Variants in IFNGR2 observed in about 807,000 individuals in gnomAD.
The protein encoded by IFNGR2 is interferon gamma receptor 2.
In IFNGR2, 15 loss-of-function variants were observed where a neutral mutation model predicts 41.1. That is an observed-to-expected ratio of 0.37 (90% CI 0.24 to 0.56). The LOEUF (loss-of-function observed/expected upper bound fraction) is 0.56. IFNGR2 is among the 20% of genes least tolerant of loss of function. The probability of loss-of-function intolerance (pLI) is 0.81; values close to 1 mark genes in which losing one functional copy is unlikely to be tolerated. For missense variants in IFNGR2, 362 were observed against 415.7 expected (o/e 0.87, Z 1.12); for synonymous variants, 161 against 171.6 (o/e 0.94, Z 0.48).
intron 1 of IFNGR2, among the ~76,000 whole-genome samples, chr21:33,406,734 A>G (rs2083680260): frequency 6.6e-6 from 1 of 151,448 alleles, no homozygotes; most frequent in South Asian, 2.1e-4. Context: ...TGCAGTCTCA[A>G]CCTCTTGGGC....
intron 4 of IFNGR2, among the ~76,000 whole-genome samples, chr21:33,427,844 C>CTTTTTTTT (rs71194844): frequency 5.6e-5 from 7 of 125,466 alleles, no homozygotes; most frequent in South Asian, 2.4e-4. Flanking sequence ...CTCATTTCAT[C>CTTTTTTTT]TTTTTTTTTT....
At chr21:33,406,641 T>G (rs2083679540) in intron 1 of IFNGR2, among the ~76,000 whole-genome samples, 1 of 148,332 alleles carries the variant, frequency 6.7e-6, no homozygotes, top group Non-Finnish European at 1.5e-5. Flanking sequence ...AAAAAAAGTG[T>G]TGGAAACTTT....
intron 1 of IFNGR2, among the ~76,000 whole-genome samples, chr21:33,406,985 A>G (rs1202512193): frequency 6.6e-6 from 1 of 152,114 alleles, no homozygotes; most frequent in Non-Finnish European, 1.5e-5. Flanking sequence ...CATAGTATCT[A>G]TCCCTTAGAG....
At chr21:33,422,107 T>C (rs1318594141) in intron 3 of IFNGR2, among the ~76,000 whole-genome samples, 2 of 152,258 alleles carry the variant, frequency 1.3e-5, no homozygotes, top group Non-Finnish European at 2.9e-5. Context: ...CATATCTCTC[T>C]GATCACCCTT....
intron 3 of IFNGR2, among the ~76,000 whole-genome samples, chr21:33,422,011 T>A (rs1385049510): frequency 6.6e-6 from 1 of 152,258 alleles, no homozygotes; most frequent in African/African-American, 2.4e-5. Context: ...GTAGTTGCAA[T>A]AGCAGCTGTT....
intron 2 of IFNGR2, among the ~76,000 whole-genome samples, chr21:33,420,043 C>T (rs1203621636): frequency 1.3e-5 from 2 of 152,186 alleles, no homozygotes; most frequent in Non-Finnish European, 2.9e-5. Flanking sequence ...ATCCCTCTCC[C>T]CATTAGGGTC....
intron 1 of IFNGR2, chr21:33,410,814 A>G (rs1235302569): frequency 4.7e-6 from 7 of 1,492,208 alleles, no homozygotes; most frequent in South Asian, 1.2e-5. Flanking sequence ...TTCATAACTC[A>G]TAATCTAAAA....
intron 1 of IFNGR2, among the ~76,000 whole-genome samples, chr21:33,407,173 A>T (rs1265917069): frequency 6.6e-6 from 1 of 152,126 alleles, no homozygotes; most frequent in Non-Finnish European, 1.5e-5. Flanking sequence ...TTGTAATTGT[A>T]GCAGGTGCTG....
At chr21:33,403,655 C>T in intron 1 of IFNGR2, 39 bp downstream of exon 1, 1 of 1,275,902 alleles carries the variant, frequency 7.8e-7, no homozygotes, top group Non-Finnish European at 9.9e-7. Context: ...GACGCGGGCG[C>T]AGCCGCAGCA....
chr21:33,410,147 C>T (rs1401909151), intron 1 of IFNGR2, among the ~76,000 whole-genome samples: 2 of 150,758 alleles, frequency 1.3e-5, no homozygotes, highest in African/African-American at 4.9e-5. Context: ...TCAGCAAGTT[C>T]ATTGTCTTAA....
rs1348201349 is a variant in IFNGR2 at position 33,427,034 on chromosome 21, C to G, written c.561+2C>G. 6.2e-7 allele frequency: 1 copy of G among 1,609,794 alleles called. No individual in the cohort carries two copies. Among genetic ancestry groups the G allele is most frequent in the Non-Finnish European group, 8.5e-7 (1 of 1,176,978 alleles). ...TGGGAAAAAGGAGGAATCCAACAGG[C>G]AAGAGCATCTTTCTTTTTTGTTTGG... is the stretch of plus-strand genomic sequence containing the variant. On this transcript the variant is annotated splice_donor_variant, in intron 4 of 6. Transcript: ENST00000290219. LOFTEE classifies it high-confidence loss of function.
intron 1 of IFNGR2, among the ~76,000 whole-genome samples, chr21:33,409,736 A>G (rs2083703172): frequency 6.6e-6 from 1 of 151,962 alleles, no homozygotes; most frequent in South Asian, 2.1e-4. Flanking sequence ...GGCGCTTGAG[A>G]CTCTGCCTAG....
rs2083902587 is a variant in IFNGR2 at position 33,432,816 on chromosome 21, G to T, written c.824G>T (p.Gly275Val). 4.3e-6 allele frequency: 7 copies of T among 1,613,616 alleles called. No individual in the cohort carries two copies. Among genetic ancestry groups the T allele is most frequent in the Non-Finnish European group, 5.9e-6 (7 of 1,179,780 alleles). The change falls in exon 6 of 7, where the codon GGC becomes GTC. Residue 275 changes from glycine to valine, a missense_variant. Physicochemically the swap from Gly to Val is moderately radical, Grantham distance 109 (BLOSUM62 -3). Coordinates refer to ENST00000290219, the MANE Select transcript of IFNGR2 (RefSeq NM_005534.4). ...ACFFLVLKYR[G>V]LIKYWFHTPP... Reference sequence around the variant, plus strand: ...TTCTTCCTGGTCCTGAAATATAGAGGCCTGATTAAATACTGGTTTCACACT... The same window carrying T: ...TTCTTCCTGGTCCTGAAATATAGAGTCCTGATTAAATACTGGTTTCACACT...
intron 4 of IFNGR2, among the ~76,000 whole-genome samples, chr21:33,430,324 T>TA (rs1328457826): frequency 6.6e-6 from 1 of 152,250 alleles, no homozygotes; most frequent in Non-Finnish European, 1.5e-5. Flanking sequence ...TTTTTGTCCT[T>TA]AAAATCGTGT....
chr21:33,430,584 T>C (rs950835034), intron 4 of IFNGR2, among the ~76,000 whole-genome samples: 1 of 152,136 alleles, frequency 6.6e-6, no homozygotes, highest in African/African-American at 2.4e-5. Context: ...CTGGGACTTA[T>C]AGGCATGCAC....
intron 6 of IFNGR2, 95 bp from the exon 7 acceptor site, chr21:33,436,733 A>T (rs1472636097): frequency 9.7e-7 from 1 of 1,032,824 alleles, no homozygotes; most frequent in African/African-American, 1.7e-5. Context: ...AAAAAAATAA[A>T]AATAAAAATA....
Position 33,414,848 on chromosome 21 carries a change from C to T in IFNGR2, c.74-40C>T, listed in dbSNP as rs114703465. On this transcript the variant is annotated intron_variant, in intron 1 of 6. Transcript: ENST00000290219. ...TTTTTGTAATTATTTCCCTCTCTCTCCTCCCTTCCTCCCTCTTCTTTTTCT... is the reference window on the plus strand; with the variant it reads ...TTTTTGTAATTATTTCCCTCTCTCTTCTCCCTTCCTCCCTCTTCTTTTTCT... 2.6e-4 allele frequency: 407 copies of T among 1,581,658 alleles called. No individual in the cohort carries two copies. The African/African-American group carries it at 4.9e-3, about 19-fold the overall frequency.
At chr21:33,411,497 A>G (rs1281900163) in intron 1 of IFNGR2, 10 of 470,894 alleles carry the variant, frequency 2.1e-5, no homozygotes, top group South Asian at 1.5e-4. Flanking sequence ...GTCCCCAAAG[A>G]TGTCCACGCC....
intron 5 of IFNGR2, 172 bp from the exon 6 acceptor site, chr21:33,432,542 A>G: frequency 1.1e-6 from 1 of 870,668 alleles, no homozygotes; most frequent in East Asian, 2.5e-5. Context: ...ATTTCATTAC[A>G]GGATTGACTT....
Sources: gnomAD v4.1 joint callset for allele counts (sites outside exome capture counted in the v4.1 genomes callset) on GRCh38, gnomAD v4.1.1 for gene constraint, MANE v1.5 for transcripts, NCBI Gene and HGNC (gene_info 2026-07-23, HGNC 2026-07-21) for gene names.